The following THRA variants were observed in gnomAD, a reference collection of about 807,000 sequenced individuals.
THRA encodes thyroid hormone receptor alpha.
Under a neutral mutation model 45.0 loss-of-function variants are expected in THRA, and 13 were observed. The ratio of observed to expected loss-of-function variants is 0.29; its 90% confidence interval spans 0.19 to 0.46. The LOEUF (loss-of-function observed/expected upper bound fraction) is 0.46, where lower values mean the gene tolerates loss of function less well. Among genes scored for constraint, THRA ranks in the 20% least tolerant of loss-of-function variants. The probability of loss-of-function intolerance (pLI) is 1.00; values close to 1 mark genes in which losing one functional copy is unlikely to be tolerated. For synonymous variants in THRA, 195 were observed against 214.0 expected (o/e 0.91, Z 0.78); for missense variants, 278 against 556.1 (o/e 0.50, Z 5.03).
In THRA at chr17:40,089,334, G is replaced by T. The variant is rs1987451211; in HGVS notation, c.1111G>T (p.Val371Leu). 6.2e-7 allele frequency: 1 copy of T among 1,614,136 alleles called. No homozygotes were observed. The highest frequency in any genetic ancestry group is 8.5e-7 in the Non-Finnish European group (1 of 1,180,038). ...PHFWPKLLMK[V>L]TDLRMIGACH... Reference sequence around the variant, plus strand: ...CTTCTGGCCCAAGCTGCTGATGAAGGTGACTGACCTCCGCATGATCGGGGC... The same window carrying T: ...CTTCTGGCCCAAGCTGCTGATGAAGTTGACTGACCTCCGCATGATCGGGGC... The change falls in exon 9 of 9, where the codon GTG becomes TTG. Residue 371 changes from valine to leucine, a missense_variant. Physicochemically the swap from Val to Leu is conservative, Grantham distance 32. This residue lies in a region of THRA where 66 missense variants were observed against 94.7 expected (regional missense o/e 0.70). Transcript: ENST00000450525. This position sits in a 1 kb window ranked among gnomAD's most constrained non-coding sequence, Gnocchi z 6.1.
chr17:40,087,128 C>G, intron 7 of THRA: 1 of 429,764 alleles, frequency 2.3e-6, no homozygotes, highest in Non-Finnish European at 4.3e-6. Context: ...ACCCAGCACA[C>G]AGACACACAC....
chr17:40,076,359 C>T (rs2050823718), intron 2 of THRA, among the ~76,000 whole-genome samples: 1 of 152,160 alleles, frequency 6.6e-6, no homozygotes, highest in African/African-American at 2.4e-5. Context: ...AACACATGGG[C>T]ATATCCTAGA....
chr17:40,067,932 A>G lies in THRA; in HGVS notation c.-298+4840A>G, dbSNP rs75206462. 3.4e-4 allele frequency among the ~76,000 whole-genome samples: 52 copies of G among 152,318 alleles called. 1 individual carries two copies. The East Asian group carries it at 9.8e-3, about 29-fold the overall frequency. Reference sequence around the variant, plus strand: ...CTACTTGGGAGGCTGAGGCCGGAGGATCGCTTAAGCCTGGAAGGTCGAGGC... The same window carrying G: ...CTACTTGGGAGGCTGAGGCCGGAGGGTCGCTTAAGCCTGGAAGGTCGAGGC... On this transcript the variant is annotated intron_variant, in intron 1 of 8. Coordinates refer to ENST00000450525, the MANE Select transcript of THRA (RefSeq NM_199334.5).
At chr17:40,067,995 G>GAAC (rs769005219) in intron 1 of THRA, among the ~76,000 whole-genome samples, 1 of 152,182 alleles carries the variant, frequency 6.6e-6, no homozygotes, top group Non-Finnish European at 1.5e-5. Flanking sequence ...ACTCTAGCCT[G>GAAC]AACAACAGAG....
chr17:40,084,779 C>T lies in THRA; in HGVS notation c.540C>T (p.Ala180=), dbSNP rs1428978107. The change falls in exon 6 of 9, where the codon GCC becomes GCT. Residue 180 remains alanine (A), a synonymous_variant. Transcript: ENST00000450525. ...CAGAGGCCCATCGCAGCACCAATGC[C>T]CAGGGCAGCCATTGGAAACAGAGGC... ...IATEAHRSTN[A]QGSHWKQRRK... is the part of the protein sequence containing the mutation. The T allele has an allele frequency of 6.2e-7, 1 of 1,613,976 alleles. No homozygotes were observed. Among genetic ancestry groups the T allele is most frequent in the Admixed American group, 1.7e-5 (1 of 60,022 alleles).
chr17:40,086,072 G>A (rs750658447), intron 6 of THRA, among the ~76,000 whole-genome samples: 8 of 152,142 alleles, frequency 5.3e-5, no homozygotes, highest in South Asian at 4.1e-4. Flanking sequence ...TGATTACACC[G>A]CTGCACTCCA....
At chr17:40,081,574 C>T (rs1211471627) in intron 4 of THRA, among the ~76,000 whole-genome samples, 4 of 152,038 alleles carry the variant, frequency 2.6e-5, no homozygotes, top group African/African-American at 7.2e-5. Context: ...GCCAGCAAGG[C>T]TTATGTTTAC....
chr17:40,084,801 A>G lies in THRA; in HGVS notation c.562A>G (p.Arg188Gly). 6.2e-7 allele frequency: 1 copy of G among 1,613,612 alleles called. No individual in the cohort carries two copies. Among genetic ancestry groups the G allele is most frequent in the Non-Finnish European group, 8.5e-7 (1 of 1,180,014 alleles). Residue 188 changes from arginine to glycine, a missense_variant, in exon 6 of 9, where the codon AGG (arginine) becomes GGG (glycine). Arg to Gly is a moderately radical substitution (Grantham distance 125, BLOSUM62 -2). Around this residue, in one of 6 missense-constraint regions of THRA, gnomAD observed 111 missense variants for 167.1 expected, o/e 0.66. Coordinates refer to ENST00000450525, the MANE Select transcript of THRA (RefSeq NM_199334.5). ...TNAQGSHWKQ[R>G]RKFLPDDIGQ... is the part of the protein sequence containing the mutation. ...TGCCCAGGGCAGCCATTGGAAACAG[A>G]GGCGGAAATTCCTGGTAAGGAGAAA...
chr17:40,067,146 G>A (rs1340135463), intron 1 of THRA, among the ~76,000 whole-genome samples: 1 of 152,140 alleles, frequency 6.6e-6, no homozygotes, highest in South Asian at 2.1e-4. Context: ...TTGCAGCCTG[G>A]AATGAGTGTA....
At chr17:40,088,916 C>A (rs1987429562) in intron 8 of THRA, among the ~76,000 whole-genome samples, 1 of 151,234 alleles carries the variant, frequency 6.6e-6, no homozygotes, top group South Asian at 2.1e-4. Flanking sequence ...CTCAGTCCTC[C>A]CCACTCCAAG....
intron 4 of THRA, among the ~76,000 whole-genome samples, chr17:40,082,717 G>A (rs771488516): frequency 1.4e-5 from 2 of 138,592 alleles, no homozygotes; most frequent in Middle Eastern, 3.7e-3. Flanking sequence ...CCTTCTGCAT[G>A]TAAAGCAGAT....
At position 40,070,285 on chromosome 17, in the gene THRA, A is replaced by C. The variant is rs546753628; in HGVS notation, c.-297-3907A>C. Among the ~76,000 whole-genome samples the C allele has an allele frequency of 2.6e-5, 4 of 152,136 alleles. No individual in the cohort carries two copies. The East Asian group carries it at 7.7e-4, about 29-fold the overall frequency. On this transcript the variant is annotated intron_variant, in intron 1 of 8. Coordinates refer to ENST00000450525, the MANE Select transcript of THRA (RefSeq NM_199334.5). ...CTCTGCCACATCACACCTGCCAAAT[A>C]GTACCTTCCTTCCCGCCTTCACTCC...
At chr17:40,065,007 C>T (rs1358921326) in intron 1 of THRA, among the ~76,000 whole-genome samples, 1 of 152,022 alleles carries the variant, frequency 6.6e-6, no homozygotes, top group East Asian at 1.9e-4. Flanking sequence ...TCCTCCTCCC[C>T]TTTTTCCTCT....
In THRA at chr17:40,077,411, C is replaced by T; in HGVS notation, c.122-97C>T. 8.1e-6 allele frequency: 9 copies of T among 1,113,768 alleles called. No individual in the cohort carries two copies. In the East Asian group the frequency reaches 2.1e-4, roughly 26 times the overall value. 69.0% of individuals were successfully genotyped at this position (1,113,768 alleles called of 1,614,324 possible). On this transcript the variant is annotated intron_variant, in intron 3 of 8. Transcript: ENST00000450525. ...AGGGAGGCTGGGCTAGGAGAGGGGT[C>T]AGAAACAAAAAGTTGAGGGATGGGG...
chr17:40,089,692 G>A lies in THRA; in HGVS notation c.*236G>A. The A allele has an allele frequency of 7.2e-7, 1 of 1,383,948 alleles. No homozygotes were observed. Among genetic ancestry groups the A allele is most frequent in the Non-Finnish European group, 9.4e-7 (1 of 1,066,958 alleles). The allele number at this position is 1,383,948 out of a possible 1,614,324, so 85.7% of individuals were successfully genotyped here. ...GAAAGGACAGTGTGGGAGGCTGGGG[G>A]AGCTGTGTCCTGCAGTTCCCAGGAC... On this transcript the variant is annotated 3_prime_UTR_variant, in exon 9 of 9. Transcript: ENST00000450525. The surrounding 1 kb of genome is among the most constrained non-coding windows in gnomAD (Gnocchi z 6.1).
At chr17:40,078,253 C>T (rs28521203) in intron 4 of THRA, among the ~76,000 whole-genome samples, 2,705 of 152,254 alleles carry the variant, frequency 0.018, 89 homozygotes, top group African/African-American at 0.062. Context: ...GAGGCCAAGG[C>T]GGGAGCATCC....
rs952420899 is a variant in THRA, at chr17:40,090,489, T to C, written c.*1033T>C. 1 of 152,436 alleles carries C rather than the reference T, an allele frequency of 6.6e-6. No homozygotes were observed. Among genetic ancestry groups the C allele is most frequent in the Non-Finnish European group, 1.5e-5 (1 of 68,242 alleles). 9.4% of individuals were successfully genotyped at this position (152,436 alleles called of 1,614,324 possible). A position where few individuals can be genotyped will look rare whatever the true frequency, so the allele number is the denominator to read the frequency against. ...CCTTGGCACCCACCCAGGAAAAAAC[T>C]GTGGCTCCAACTCCTACCCTCCTTA... is the stretch of plus-strand genomic sequence containing the variant. On this transcript the variant is annotated 3_prime_UTR_variant, in exon 9 of 9. Transcript: ENST00000450525.
chr17:40,093,132 T>C (rs1567658358), downstream of THRA: 1 of 1,614,048 alleles, frequency 6.2e-7, no homozygotes, highest in Non-Finnish European at 8.5e-7. This position sits in a 1 kb window ranked among gnomAD's most constrained non-coding sequence, Gnocchi z 5.9. Flanking sequence ...ATGCATGTTG[T>C]TCAGGGTCCG....
chr17:40,088,897 A>C (rs1987428675), intron 8 of THRA, among the ~76,000 whole-genome samples: 1 of 138,814 alleles, frequency 7.2e-6, no homozygotes, highest in Non-Finnish European at 1.5e-5. Flanking sequence ...CGCCTCTCTG[A>C]CCACCAACCT....
Sources: gnomAD v4.1 joint callset for allele counts (sites outside exome capture counted in the v4.1 genomes callset) on GRCh38, gnomAD v4.1.1 for gene constraint, gnomAD v4.1.1 regional missense constraint, Gnocchi (gnomAD v3.1) non-coding constraint, MANE v1.5 for transcripts, NCBI Gene and HGNC (gene_info 2026-07-23, HGNC 2026-07-21) for gene names.